Variants in PPP1R9A observed in about 807,000 individuals in gnomAD.
PPP1R9A encodes the protein neurabin-1.
Under a neutral mutation model 141.9 loss-of-function variants are expected in PPP1R9A, and 59 were observed. The observed-to-expected ratio is 0.42, with a 90% CI of 0.34 to 0.52. The LOEUF (loss-of-function observed/expected upper bound fraction) is 0.52. Ranked by LOEUF, PPP1R9A falls within the 20% of genes least tolerant of loss-of-function variation. PPP1R9A has a pLI of 0.10. For synonymous variants in PPP1R9A, 500 were observed against 569.7 expected, an observed-to-expected ratio of 0.88 and a Z score of 1.74; for missense variants, 1,444 against 1,611.9, an observed-to-expected ratio of 0.90 and a Z score of 1.78.
chr7:94,910,845 A>G lies in PPP1R9A; in HGVS notation c.732A>G (p.Thr244=). Residue 244 remains threonine (T), a synonymous_variant, in exon 2 of 20, where the codon ACA becomes ACG. Coordinates refer to ENST00000433360, the MANE Select transcript of PPP1R9A (RefSeq NM_001166160.2). The surrounding 1 kb of genome is among the most constrained non-coding windows in gnomAD (Gnocchi z 4.5). ...TGAATTTACCATCTGTTACTGTTAC[A>G]AATCTTGACACATTTGGTCACCTGA... ...YPLNLPSVTV[T]NLDTFGHLKD... The G allele has an allele frequency of 6.2e-7, 1 of 1,613,918 alleles. No homozygotes were observed. The highest frequency in any genetic ancestry group is 1.1e-5 in the South Asian group (1 of 91,084).
In PPP1R9A at chr7:94,919,301, A is replaced by AT. The variant is rs757456894; in HGVS notation, c.1395+7817dup. ...TGTGCCACAGTGCCTGGATAATTAC[A>AT]TTTTTTTTTTTTTTTTTTTTTTTTG... On this transcript the variant is annotated intron_variant, in intron 2 of 19. Transcript: ENST00000433360. Among the ~76,000 whole-genome samples the AT allele has an allele frequency of 9.5e-3, 1,010 of 106,090 alleles. 8 individuals are homozygous for AT. The highest frequency in any genetic ancestry group is 0.012 in the Non-Finnish European group (645 of 52,416). The allele number at this position is 106,090 out of a possible 152,430, so 69.6% of individuals were successfully genotyped here. A position where few individuals can be genotyped will look rare whatever the true frequency, so the allele number is the denominator to read the frequency against.
intron 7 of PPP1R9A, among the ~76,000 whole-genome samples, chr7:95,206,555 A>G (rs1487835308): frequency 1.3e-5 from 2 of 152,136 alleles, no homozygotes; most frequent in African/African-American, 4.8e-5. Flanking sequence ...GATACAAGAC[A>G]TTTTTATTAC....
At position 95,226,059 on chromosome 7, in the gene PPP1R9A, G is replaced by C. The variant is rs768509363; in HGVS notation, c.2055G>C (p.Glu685Asp). The change falls in exon 8 of 20, where the codon GAG becomes GAC. Residue 685 changes from glutamate to aspartate, a missense_variant. Coordinates refer to ENST00000433360, the MANE Select transcript of PPP1R9A (RefSeq NM_001166160.2). ...AIEVFELPEN[E>D]DMFSPSELDT... ...AAGTCTTTGAGCTGCCTGAGAATGA[G>C]GACATGTTTTCCCCATCAGAACTGG... 6.2e-7 allele frequency: 1 copy of C among 1,613,550 alleles called. No individual in the cohort carries two copies. The highest frequency in any genetic ancestry group is 1.1e-5 in the South Asian group (1 of 91,058).
At chr7:95,261,210 C>T (rs1220990598) in intron 12 of PPP1R9A, among the ~76,000 whole-genome samples, 1 of 152,144 alleles carries the variant, frequency 6.6e-6, no homozygotes. Context: ...GAAACATGAC[C>T]AGTCACAGAG....
intron 4 of PPP1R9A, among the ~76,000 whole-genome samples, chr7:95,157,117 C>T (rs776710128): frequency 2.0e-5 from 3 of 152,182 alleles, no homozygotes; most frequent in African/African-American, 4.8e-5. Context: ...CTGTCTGCCT[C>T]CCCCTGCTGT....
At chr7:94,970,378 C>T (rs1045300676) in intron 2 of PPP1R9A, among the ~76,000 whole-genome samples, 6 of 152,188 alleles carry the variant, frequency 3.9e-5, no homozygotes, top group Non-Finnish European at 7.3e-5. Context: ...CAGTCCCTCA[C>T]GGCTTCACTT....
intron 4 of PPP1R9A, among the ~76,000 whole-genome samples, chr7:95,146,947 T>C (rs1339098463): frequency 6.6e-6 from 1 of 152,220 alleles, no homozygotes; most frequent in Non-Finnish European, 1.5e-5. Context: ...TTCAGCTTTG[T>C]TGTTTTTGCT....
chr7:95,266,393 A>G (rs947281221), intron 12 of PPP1R9A, among the ~76,000 whole-genome samples: 2 of 152,020 alleles, frequency 1.3e-5, no homozygotes, highest in African/African-American at 2.4e-5. Flanking sequence ...GATGGAGCCT[A>G]TTGGAGAAAT....
chr7:95,134,172 C>G lies in PPP1R9A; in HGVS notation c.1649+13340C>G, dbSNP rs144811432. Among the ~76,000 whole-genome samples the G allele has an allele frequency of 7.3e-3, 1,115 of 152,182 alleles. 16 individuals are homozygous for G. Among genetic ancestry groups the G allele is most frequent in the African/African-American group, 0.025 (1,048 of 41,534 alleles). The stretch of plus-strand genomic sequence containing the variant: ...AATGAGTTCATGTCCTTTGCAGGGA[C>G]ATGGATGAAGCTGGAAGCCATTGTT... On this transcript the variant is annotated intron_variant, in intron 4 of 19. Transcript: ENST00000433360.
rs143828617 is a variant in PPP1R9A, at chr7:95,117,547, T to C, written c.1529-3165T>C. Among the ~76,000 whole-genome samples the C allele has an allele frequency of 7.8e-3, 1,180 of 152,228 alleles. 14 individuals carry two copies. Among genetic ancestry groups the C allele is most frequent in the African/African-American group, 0.027 (1,120 of 41,512 alleles). On this transcript the variant is annotated intron_variant, in intron 3 of 19. Transcript: ENST00000433360. Reference sequence around the variant, plus strand: ...TGAGTAATTTTCCAGTTAAAAGCAATGAGAGGAGCAATGGAAGGAAGAAAG... The same window carrying C: ...TGAGTAATTTTCCAGTTAAAAGCAACGAGAGGAGCAATGGAAGGAAGAAAG...
intron 4 of PPP1R9A, among the ~76,000 whole-genome samples, chr7:95,153,635 T>G: frequency 6.6e-6 from 1 of 152,354 alleles, no homozygotes; most frequent in South Asian, 2.1e-4. Context: ...TAAACAGTTT[T>G]TAATTGATAC....
rs531110962 is a variant in PPP1R9A at position 95,177,255 on chromosome 7, A to G, written c.1754+15284A>G. On this transcript the variant is annotated intron_variant, in intron 5 of 19. Transcript: ENST00000433360. Reference sequence around the variant, plus strand: ...AACAATGATCACCCAAGAATTTTGTATCTAGTGAAACTAAGCATCAAATAT... The same window carrying G: ...AACAATGATCACCCAAGAATTTTGTGTCTAGTGAAACTAAGCATCAAATAT... 8.2e-4 allele frequency among the ~76,000 whole-genome samples: 125 copies of G among 152,302 alleles called. 1 individual carries two copies. Among genetic ancestry groups the G allele is most frequent in the Non-Finnish European group, 1.4e-3 (92 of 68,022 alleles).
In PPP1R9A at chr7:95,266,556, A is replaced by T. The variant is rs377682271; in HGVS notation, c.2666-1994A>T. On this transcript the variant is annotated intron_variant, in intron 12 of 19. Transcript: ENST00000433360. ...TGGAAATCAAGACACTAGAGTAATCATGGTAGCGCATTAATTAGTTATGTA... is the reference window on the plus strand; with the variant it reads ...TGGAAATCAAGACACTAGAGTAATCTTGGTAGCGCATTAATTAGTTATGTA... Among the ~76,000 whole-genome samples, 61 of 152,204 alleles carry T rather than the reference A, an allele frequency of 4.0e-4. 1 individual carries two copies. Among genetic ancestry groups the T allele is most frequent in the Middle Eastern group, 6.8e-3 (2 of 294 alleles).
chr7:95,135,533 G>A lies in PPP1R9A; in HGVS notation c.1649+14701G>A, dbSNP rs558642964. On this transcript the variant is annotated intron_variant, in intron 4 of 19. Transcript: ENST00000433360. ...TCTTTCTTTATTTTTGCCCATTAAG[G>A]CAATTATCACCTTAGTTTTCGTTCA... 1.6e-4 allele frequency among the ~76,000 whole-genome samples: 25 copies of A among 151,972 alleles called. No individual in the cohort carries two copies. The South Asian group carries it at 5.0e-3, about 30-fold the overall frequency.
intron 12 of PPP1R9A, among the ~76,000 whole-genome samples, chr7:95,258,492 G>A (rs1215028616): frequency 3.9e-5 from 6 of 151,912 alleles, no homozygotes; most frequent in South Asian, 2.1e-4. Context: ...ATTCCAAATC[G>A]TAAAAAGGTT....
intron 2 of PPP1R9A, among the ~76,000 whole-genome samples, chr7:95,082,752 G>T (rs1816053730): frequency 6.8e-6 from 1 of 147,478 alleles, no homozygotes; most frequent in Non-Finnish European, 1.5e-5. Context: ...AAAAGTGTAG[G>T]GTGGAAGGGA....
At chr7:94,964,286 C>CT (rs553507828) in intron 2 of PPP1R9A, among the ~76,000 whole-genome samples, 2 of 151,690 alleles carry the variant, frequency 1.3e-5, no homozygotes, top group South Asian at 2.1e-4. Context: ...CATAGGCTTT[C>CT]TTTTTTTTAG....
chr7:95,007,491 T>C (rs995770159), intron 2 of PPP1R9A, among the ~76,000 whole-genome samples: 3 of 152,186 alleles, frequency 2.0e-5, no homozygotes, highest in Non-Finnish European at 4.4e-5. Context: ...TGTGTTTGTA[T>C]TCTCTCATTT....
rs1261123089 is a variant in PPP1R9A at position 95,103,395 on chromosome 7, C to G, written c.1396-7864C>G. ...TTTTTTTTTTTGAGACAGTCTCGCT[C>G]TGTTGCCCAGGCTGGAGTCTGGAGT... On this transcript the variant is annotated intron_variant, in intron 2 of 19. Coordinates refer to ENST00000433360, the MANE Select transcript of PPP1R9A (RefSeq NM_001166160.2). Among the ~76,000 whole-genome samples the G allele has an allele frequency of 5.2e-4, 27 of 51,842 alleles. 1 individual carries two copies. The highest frequency in any genetic ancestry group is 0.014 in the Middle Eastern group (1 of 72). The allele number at this position is 51,842 out of a possible 152,430, so 34.0% of individuals were successfully genotyped here. A position where few individuals can be genotyped will look rare whatever the true frequency, so the allele number is the denominator to read the frequency against.
Sources: allele counts gnomAD v4.1 joint callset (sites outside exome capture counted in the v4.1 genomes callset), GRCh38; gene constraint gnomAD v4.1.1; non-coding constraint Gnocchi (gnomAD v3.1); transcripts MANE v1.5; gene names NCBI Gene and HGNC (gene_info 2026-07-23, HGNC 2026-07-21).